The following EIF5B variants were observed in gnomAD, a reference collection of about 807,000 sequenced individuals.
EIF5B encodes eIF-5B.
EIF5B carries 47 observed loss-of-function variants against 147.5 expected under a neutral mutation model. The ratio of observed to expected loss-of-function variants is 0.32; its 90% CI spans 0.25 to 0.41. The LOEUF is 0.41. EIF5B is among the 10% of genes least tolerant of loss of function. The probability of loss-of-function intolerance (pLI) is 1.00; values close to 1 mark genes in which losing one functional copy is unlikely to be tolerated. For missense variants in EIF5B, 1,064 were observed against 1,413.2 expected (o/e 0.75, Z 3.96); for synonymous variants, 455 against 456.2 (o/e 1.00, Z 0.03).
intron 10 of EIF5B, among the ~76,000 whole-genome samples, chr2:99,377,609 G>C (rs1479300868): frequency 6.6e-6 from 1 of 151,968 alleles, no homozygotes; most frequent in Non-Finnish European, 1.5e-5. Context: ...TATCTGTACT[G>C]TGCTTGCTGA....
intron 6 of EIF5B, among the ~76,000 whole-genome samples, chr2:99,366,865 T>C (rs1674338570): frequency 6.6e-6 from 1 of 152,212 alleles, no homozygotes; most frequent in Admixed American, 6.5e-5. Context: ...CAGTGTGATA[T>C]TGCCAGAAAG....
At chr2:99,363,516 A>T in intron 4 of EIF5B, 129 bp from the exon 5 acceptor site, 1 of 901,518 alleles carries the variant, frequency 1.1e-6, no homozygotes, top group Non-Finnish European at 1.7e-6. Context: ...TGATGCCTGT[A>T]GAACTTAGCC....
chr2:99,348,022 G>A (rs190361091), intron 1 of EIF5B, among the ~76,000 whole-genome samples: 21 of 152,236 alleles, frequency 1.4e-4, no homozygotes, highest in Admixed American at 2.0e-4. Flanking sequence ...GTTTGTAAAA[G>A]CTGTACTGAT....
intron 13 of EIF5B, 26 bp from the exon 14 acceptor site, chr2:99,382,754 A>G (rs1433187526): frequency 6.4e-7 from 1 of 1,572,086 alleles, no homozygotes; most frequent in Non-Finnish European, 8.6e-7. Flanking sequence ...TTTTCTACTT[A>G]TAGATCTTTT....
chr2:99,382,634 C>G (rs2290255), intron 13 of EIF5B, 146 bp from the exon 14 acceptor site: 1 of 721,716 alleles, frequency 1.4e-6, no homozygotes, highest in Non-Finnish European at 2.1e-6. Context: ...GTAGATGAGC[C>G]TTTGGCAAGT....
At chr2:99,345,319 G>A (rs2105335495) in intron 1 of EIF5B, among the ~76,000 whole-genome samples, 1 of 152,278 alleles carries the variant, frequency 6.6e-6, no homozygotes, top group East Asian at 1.9e-4. Context: ...ACCGGGCATG[G>A]TGGTGGCTCG....
intron 14 of EIF5B, among the ~76,000 whole-genome samples, chr2:99,384,879 C>T (rs1483455231): frequency 6.6e-6 from 1 of 152,064 alleles, no homozygotes; most frequent in East Asian, 1.9e-4. Context: ...GGTGGAGTCT[C>T]CTTCTGGTGA....
At chr2:99,375,017 A>G (rs1241119405) in intron 9 of EIF5B, among the ~76,000 whole-genome samples, 1 of 151,788 alleles carries the variant, frequency 6.6e-6, no homozygotes, top group Non-Finnish European at 1.5e-5. Flanking sequence ...TTGAGTTCTC[A>G]ATTTCATTTG....
chr2:99,378,945 CA>C, intron 10 of EIF5B, 73 bp from the exon 11 acceptor site: 2 of 1,221,748 alleles, frequency 1.6e-6, no homozygotes, highest in South Asian at 1.9e-5. Context: ...TTTGCCAAGG[CA>C]AAACAGAAAA....
intron 22 of EIF5B, 181 bp downstream of exon 22, chr2:99,397,079 C>T (rs1298494746): frequency 1.7e-6 from 1 of 586,006 alleles, no homozygotes; most frequent in East Asian, 3.4e-5. Context: ...AATGTGGTAA[C>T]TTTAAAACAA....
chr2:99,398,093 C>A (rs1400194449), intron 22 of EIF5B: 1 of 152,198 alleles, frequency 6.6e-6, no homozygotes, highest in Non-Finnish European at 1.5e-5. Flanking sequence ...CTAGTACTTT[C>A]CCTGGCCCAA....
At position 99,396,802 on chromosome 2, in the gene EIF5B, G is replaced by T. The variant is rs1438562404; in HGVS notation, c.3297G>T (p.Gln1099His). ...VFPCKIKILP[Q>H]YIFNSRDPIV... ...CCTGCAAGATAAAAATCCTCCCTCA[G>T]TACATTTTTAATTCTCGAGATCCGA... The change falls in exon 22 of 24, where the codon CAG (glutamine) becomes CAT (histidine). Residue 1099 changes from glutamine (Q) to histidine (H), a missense_variant. Transcript: ENST00000289371. 2 of 1,613,148 alleles carry T rather than the reference G, an allele frequency of 1.2e-6. No homozygotes were observed. The highest frequency in any genetic ancestry group is 1.7e-6 in the Non-Finnish European group (2 of 1,179,710).
chr2:99,374,077 T>G (rs1047818029), intron 9 of EIF5B, among the ~76,000 whole-genome samples: 4 of 152,106 alleles, frequency 2.6e-5, no homozygotes, highest in African/African-American at 9.7e-5. Context: ...TCACTTGAGA[T>G]CAGGAGATTG....
intron 6 of EIF5B, among the ~76,000 whole-genome samples, chr2:99,365,859 C>T (rs1674316849): frequency 6.6e-6 from 1 of 152,120 alleles, no homozygotes; most frequent in Non-Finnish European, 1.5e-5. Context: ...ACCCACAGCC[C>T]ACTCATGTGA....
chr2:99,361,919 T>TCC (rs1674223403), intron 4 of EIF5B, 99 bp downstream of exon 4: 2 of 1,130,634 alleles, frequency 1.8e-6, no homozygotes, highest in Non-Finnish European at 2.4e-6. Flanking sequence ...TGTCCATGGG[T>TCC]ATAAAGACAC....
chr2:99,360,389 T>C (rs1164249415), intron 2 of EIF5B, 28 bp downstream of exon 2: 1 of 1,579,072 alleles, frequency 6.3e-7, no homozygotes, highest in Non-Finnish European at 8.6e-7. Context: ...ATATTTGATT[T>C]TTATTTGTTT....
At chr2:99,348,065 A>G (rs577370492) in intron 1 of EIF5B, among the ~76,000 whole-genome samples, 5 of 152,322 alleles carry the variant, frequency 3.3e-5, no homozygotes, top group East Asian at 3.9e-4. Context: ...TCTATAATAC[A>G]TATGAACTTA....
At chr2:99,386,483 G>C (rs936761340) in intron 14 of EIF5B, among the ~76,000 whole-genome samples, 2 of 148,858 alleles carry the variant, frequency 1.3e-5, no homozygotes, top group Non-Finnish European at 3.0e-5. Flanking sequence ...GTGTGTGTGT[G>C]TGTGTGTGTG....
At position 99,368,689 on chromosome 2, in the gene EIF5B, C is replaced by T. The variant is rs79949066; in HGVS notation, c.1387+98C>T. 2,947 of 856,554 alleles carry T rather than the reference C, an allele frequency of 3.4e-3. 63 individuals carry two copies. In the African/African-American group the frequency reaches 0.046, roughly 13 times the overall value. 53.1% of individuals were successfully genotyped at this position (856,554 alleles called of 1,614,324 possible). ...TCTGTAAAGAAGAAAGGAAAAAATC[C>T]GAAATGCATATTGAAACTTATTTTC... is the stretch of plus-strand genomic sequence containing the variant. On this transcript the variant is annotated intron_variant, in intron 7 of 23. Transcript: ENST00000289371.
Sources: gnomAD v4.1 joint callset for allele counts (sites outside exome capture counted in the v4.1 genomes callset) on GRCh38, gnomAD v4.1.1 for gene constraint, MANE v1.5 for transcripts, NCBI Gene and HGNC (gene_info 2026-07-23, HGNC 2026-07-21) for gene names.